Variants in WDHD1 observed in about 807,000 individuals in gnomAD.
WDHD1 encodes WD repeat and HMG-box DNA-binding protein 1.
WDHD1 carries 111 observed loss-of-function variants against 135.4 expected under a neutral mutation model. The ratio of observed to expected loss-of-function variants is 0.82; its 90% CI spans 0.70 to 0.96. The LOEUF is 0.96. Among genes scored for constraint, WDHD1 ranks in the 40% least tolerant of loss-of-function variants. The probability of loss-of-function intolerance (pLI) is 0.00; values close to 1 mark genes in which losing one functional copy is unlikely to be tolerated. For synonymous variants in WDHD1, 434 were observed against 439.0 expected (o/e 0.99, Z 0.14); for missense variants, 1,351 against 1,336.3 (o/e 1.01, Z -0.17).
chr14:55,011,908 G>A (rs1012170932), intron 3 of WDHD1, among the ~76,000 whole-genome samples: 6 of 151,792 alleles, frequency 4.0e-5, no homozygotes, highest in African/African-American at 1.5e-4. Context: ...GTTATGAATT[G>A]TGCTTTTACT....
rs1595070752 is a variant in WDHD1 at position 54,962,646 on chromosome 14, T to G, written c.2647+92A>C. ...GATAGCAAAGAGGTCTGAAAAAAAG[T>G]ATGAGTATTCAATTTCCCTCAGTTA... On this transcript the variant is annotated intron_variant, in intron 20 of 25. Transcript: ENST00000360586. The G allele has an allele frequency of 4.6e-6, 7 of 1,536,388 alleles. No homozygotes were observed. The East Asian group carries it at 1.6e-4, about 35-fold the overall frequency.
At chr14:54,996,524 T>C (rs1017550904) in intron 10 of WDHD1, among the ~76,000 whole-genome samples, 11 of 152,072 alleles carry the variant, frequency 7.2e-5, no homozygotes, top group Non-Finnish European at 1.5e-4. Flanking sequence ...CACCTGAACC[T>C]GGAAGGTCAG....
At chr14:55,011,258 G>A (rs1024485270) in intron 3 of WDHD1, among the ~76,000 whole-genome samples, 2 of 152,066 alleles carry the variant, frequency 1.3e-5, no homozygotes, top group African/African-American at 2.4e-5. Context: ...GGCTGGGTGT[G>A]GTGGTTCACA....
Position 55,017,711 on chromosome 14 carries a change from A to C in WDHD1, c.78-4115T>G, listed in dbSNP as rs78504180. Among the ~76,000 whole-genome samples, 1,371 of 152,356 alleles carry C rather than the reference A, an allele frequency of 9.0e-3. 16 individuals carry two copies. The highest frequency in any genetic ancestry group is 0.031 in the African/African-American group (1,279 of 41,582). On this transcript the variant is annotated intron_variant, in intron 2 of 25. Transcript: ENST00000360586. ...CAAAAGTACTTGAATTTGGAATTAC[A>C]ATTCATGATTCTATCCAAATGAGCT... is the stretch of plus-strand genomic sequence containing the variant.
rs972178465 is a variant in WDHD1 at position 54,974,501 on chromosome 14, T to G, written c.2063+7039A>C. Among the ~76,000 whole-genome samples the G allele has an allele frequency of 6.4e-3, 964 of 151,004 alleles. 14 individuals are homozygous for G. The highest frequency in any genetic ancestry group is 0.022 in the African/African-American group (900 of 41,370). On this transcript the variant is annotated intron_variant, in intron 16 of 25. Coordinates refer to ENST00000360586, the MANE Select transcript of WDHD1 (RefSeq NM_007086.4). The stretch of plus-strand genomic sequence containing the variant: ...AAAACCTGTTTTGTTTTGTTTTTTT[T>G]TTTTTTGTTATATTAAAGAAAGAGT...
rs1384714231 is a variant in WDHD1 at position 54,991,196 on chromosome 14, G to A, written c.1341+17C>T. ...CTGAAAACCTACTAAGAAGTTAAGT[G>A]TAGATCCAAGTCTTACCATGAATCT... On this transcript the variant is annotated intron_variant, in intron 12 of 25. Transcript: ENST00000360586. The A allele has an allele frequency of 2.1e-6, 3 of 1,430,224 alleles. No homozygotes were observed. Among genetic ancestry groups the A allele is most frequent in the Non-Finnish European group, 3.0e-6 (3 of 1,016,306 alleles). The allele number at this position is 1,430,224 out of a possible 1,614,324, so 88.6% of individuals were successfully genotyped here.
At chr14:55,019,909 T>C (rs2042318270) in intron 2 of WDHD1, among the ~76,000 whole-genome samples, 2 of 152,156 alleles carry the variant, frequency 1.3e-5, no homozygotes, top group African/African-American at 4.8e-5. Context: ...GGCATGAAGA[T>C]TAATTATATC....
chr14:54,978,077 T>C (rs2041556829), intron 16 of WDHD1, among the ~76,000 whole-genome samples: 1 of 152,220 alleles, frequency 6.6e-6, no homozygotes, highest in East Asian at 1.9e-4. Flanking sequence ...TAATTTCATA[T>C]ACCTCTAAGA....
chr14:54,963,138 A>AC lies in WDHD1; in HGVS notation c.2344dup (p.Val782GlyfsTer5). On this transcript the variant is annotated frameshift_variant, in exon 19 of 26. Transcript: ENST00000360586. LOFTEE classifies it high-confidence loss of function. Reference sequence around the variant, plus strand: ...TTGAGTCATTAGATCAGCAAGTTCCACACAACGGAATTCTCGCTCCAGTTT... The same window carrying AC: ...TTGAGTCATTAGATCAGCAAGTTCCACCACAACGGAATTCTCGCTCCAGTTT... 1 of 1,294,282 alleles carries AC rather than the reference A, an allele frequency of 7.7e-7. No individual in the cohort carries two copies. The highest frequency in any genetic ancestry group is 1.0e-6 in the Non-Finnish European group (1 of 971,236). The allele number at this position is 1,294,282 out of a possible 1,614,324, so 80.2% of individuals were successfully genotyped here. A position where few individuals can be genotyped will look rare whatever the true frequency, so the allele number is the denominator to read the frequency against.
At position 54,951,499 on chromosome 14, in the gene WDHD1, ATAAT is replaced by A. The variant is rs2041052305; in HGVS notation, c.3050+4058_3050+4061del. 2.0e-5 allele frequency among the ~76,000 whole-genome samples: 3 copies of A among 152,326 alleles called. No homozygotes were observed. The South Asian group carries it at 6.2e-4, about 32-fold the overall frequency. On this transcript the variant is annotated intron_variant, in intron 24 of 25. Coordinates refer to ENST00000360586, the MANE Select transcript of WDHD1 (RefSeq NM_007086.4). Reference sequence around the variant, plus strand: ...AATAACAGGCTCTGAAATTGAGGCAATAATTAATAGCCTACCAACCAAATAAAAA... The same window carrying A: ...AATAACAGGCTCTGAAATTGAGGCAATAATAGCCTACCAACCAAATAAAAA...
At chr14:55,010,606 T>C (rs964800835) in intron 3 of WDHD1, 146 bp from the exon 4 acceptor site, 7 of 744,106 alleles carry the variant, frequency 9.4e-6, no homozygotes, top group Non-Finnish European at 1.2e-5. Flanking sequence ...ATGTACAACT[T>C]TGCTGGAATG....
chr14:55,013,538 C>T lies in WDHD1; in HGVS notation c.136G>A (p.Asp46Asn). 1 of 1,614,082 alleles carries T rather than the reference C, an allele frequency of 6.2e-7. No individual in the cohort carries two copies. The highest frequency in any genetic ancestry group is 8.5e-7 in the Non-Finnish European group (1 of 1,180,002). Residue 46 changes from aspartate (D) to asparagine (N), a missense_variant, in exon 3 of 26, where the codon GAT becomes AAT. By Grantham distance (23) the Asp-to-Asn change is conservative. Around this residue, in one of 2 missense-constraint regions of WDHD1, gnomAD observed 1,330 missense variants for 1,296.1 expected, o/e 1.03. Coordinates refer to ENST00000360586, the MANE Select transcript of WDHD1 (RefSeq NM_007086.4). The part of the protein sequence containing the change: ...DVRIWEDLDD[D>N]DPKFINVGEK... ...CCAACATTAATGAACTTAGGATCATCATCATCCAAGTCTTCCCAAATCCTC... is the reference window on the plus strand; with the variant it reads ...CCAACATTAATGAACTTAGGATCATTATCATCCAAGTCTTCCCAAATCCTC...
Position 54,941,323 on chromosome 14 carries a change from T to C in WDHD1, c.*167A>G. On this transcript the variant is annotated 3_prime_UTR_variant, in exon 26 of 26. Transcript: ENST00000360586. ...CTGCAAAGATGATAGTTTTTACATATGTCCTGTTACCTACACCAATATAAT... is the reference window on the plus strand; with the variant it reads ...CTGCAAAGATGATAGTTTTTACATACGTCCTGTTACCTACACCAATATAAT... 1.9e-6 allele frequency: 1 copy of C among 515,942 alleles called. No homozygotes were observed. The highest frequency in any genetic ancestry group is 3.2e-6 in the Non-Finnish European group (1 of 313,410). The allele number at this position is 515,942 out of a possible 1,614,324, so 32.0% of individuals were successfully genotyped here. A position where few individuals can be genotyped will look rare whatever the true frequency, so the allele number is the denominator to read the frequency against.
intron 10 of WDHD1, among the ~76,000 whole-genome samples, chr14:55,000,018 T>C (rs1324600970): frequency 6.6e-6 from 1 of 152,234 alleles, no homozygotes; most frequent in Non-Finnish European, 1.5e-5. Flanking sequence ...TAAATGCATG[T>C]ATTAAGTCTG....
chr14:54,961,503 A>T (rs1390239358), intron 21 of WDHD1, among the ~76,000 whole-genome samples: 1 of 151,784 alleles, frequency 6.6e-6, no homozygotes, highest in African/African-American at 2.4e-5. Flanking sequence ...CTTAAGCCCA[A>T]ATGCTTCTCT....
rs1244006245 is a variant in WDHD1 at position 54,991,153 on chromosome 14, T to C, written c.1341+60A>G. 8.8e-6 allele frequency: 8 copies of C among 908,900 alleles called. No homozygotes were observed. In the East Asian group the frequency reaches 1.7e-4, roughly 20 times the overall value. The allele number at this position is 908,900 out of a possible 1,614,324, so 56.3% of individuals were successfully genotyped here. A position where few individuals can be genotyped will look rare whatever the true frequency, so the allele number is the denominator to read the frequency against. On this transcript the variant is annotated intron_variant, in intron 12 of 25. Coordinates refer to ENST00000360586, the MANE Select transcript of WDHD1 (RefSeq NM_007086.4). ...ATATGTTTTATCCAAAAAAATTAAC[T>C]ATAGTAAGAAAAAAGTGCTGAAAAC...
At chr14:54,943,924 T>C (rs1595049775) in intron 25 of WDHD1, among the ~76,000 whole-genome samples, 1 of 151,648 alleles carries the variant, frequency 6.6e-6, no homozygotes, top group Non-Finnish European at 1.5e-5. Flanking sequence ...CACTCCTGCC[T>C]GGGTGAAAGA....
intron 7 of WDHD1, chr14:55,005,142 G>C: frequency 1.9e-6 from 1 of 535,254 alleles, no homozygotes; most frequent in South Asian, 1.4e-5. Context: ...CCACACATGC[G>C]AACTTCCTGG....
chr14:55,016,810 T>C (rs964783397), intron 2 of WDHD1, among the ~76,000 whole-genome samples: 2 of 152,244 alleles, frequency 1.3e-5, no homozygotes, highest in Admixed American at 6.5e-5. Context: ...AATAATTTTG[T>C]TCATTTTTCA....
Sources: allele counts gnomAD v4.1 joint callset (sites outside exome capture counted in the v4.1 genomes callset), GRCh38; gene constraint gnomAD v4.1.1; regional missense constraint gnomAD v4.1.1; transcripts MANE v1.5; gene names NCBI Gene and HGNC (gene_info 2026-07-23, HGNC 2026-07-21).